Variants in CDIN1 observed in about 807,000 individuals in gnomAD.
CDIN1 encodes CDAN1-interacting nuclease 1.
Under a neutral mutation model 45.3 loss-of-function variants are expected in CDIN1, and 33 were observed. That is an observed-to-expected ratio of 0.73 (90% CI 0.55 to 0.97). The LOEUF (loss-of-function observed/expected upper bound fraction) is 0.97. CDIN1 is among the 50% of genes least tolerant of loss of function. CDIN1 has a pLI of 0.00. For synonymous variants in CDIN1, 118 were observed against 124.4 expected, an observed-to-expected ratio of 0.95 and a Z score of 0.34; for missense variants, 303 against 339.4, an observed-to-expected ratio of 0.89 and a Z score of 0.84.
chr15:36,626,731 C>A, intron 1 of CDIN1: 1 of 424,488 alleles, frequency 2.4e-6, no homozygotes, highest in South Asian at 1.8e-5. Flanking sequence ...AATATCCTTT[C>A]AGATTGACTG....
chr15:36,603,667 T>C (rs1395693540), intron 1 of CDIN1, among the ~76,000 whole-genome samples: 1 of 152,182 alleles, frequency 6.6e-6, no homozygotes, highest in Admixed American at 6.5e-5. Context: ...TATTATATCA[T>C]TGAAACTCAT....
At chr15:36,616,070 T>C (rs2038872412) in intron 1 of CDIN1, among the ~76,000 whole-genome samples, 1 of 152,182 alleles carries the variant, frequency 6.6e-6, no homozygotes, top group Non-Finnish European at 1.5e-5. Flanking sequence ...CGGCATGATG[T>C]AGCCTCTTCC....
chr15:36,745,755 C>A (rs752411091), intron 10 of CDIN1, among the ~76,000 whole-genome samples: 4 of 152,056 alleles, frequency 2.6e-5, no homozygotes, highest in Non-Finnish European at 5.9e-5. Flanking sequence ...CATCTGAAGT[C>A]AGGAGTTCAA....
intron 1 of CDIN1, among the ~76,000 whole-genome samples, chr15:36,630,119 A>G (rs1456260982): frequency 6.6e-6 from 1 of 152,210 alleles, no homozygotes; most frequent in African/African-American, 2.4e-5. Context: ...GGTGAATAAA[A>G]GAAGTTAATT....
intron 1 of CDIN1, among the ~76,000 whole-genome samples, chr15:36,608,262 G>A (rs2038474051): frequency 6.6e-6 from 1 of 152,192 alleles, no homozygotes; most frequent in Non-Finnish European, 1.5e-5. Context: ...AGTTTTCAAA[G>A]TGGCTGCATC....
Position 36,743,978 on chromosome 15 carries a change from CTTTT to C in CDIN1, c.716+34029_716+34032del, listed in dbSNP as rs34573450. The stretch of plus-strand genomic sequence containing the variant: ...TCTTCATTCTAAAGACATTTTTTGT[CTTTT>C]TTTTTTTTTTTCTTAAAAAGTCTCT... On this transcript the variant is annotated intron_variant, in intron 10 of 10. Coordinates refer to ENST00000566621, the MANE Select transcript of CDIN1 (RefSeq NM_001321759.2). Among the ~76,000 whole-genome samples, 27 of 139,742 alleles carry C rather than the reference CTTTT, an allele frequency of 1.9e-4. No homozygotes were observed. In the East Asian group the frequency reaches 5.0e-3, roughly 26 times the overall value. The allele number at this position is 139,742 out of a possible 152,430, so 91.7% of individuals were successfully genotyped here. A position where few individuals can be genotyped will look rare whatever the true frequency, so the allele number is the denominator to read the frequency against.
At chr15:36,740,062 C>A (rs1482901012) in intron 10 of CDIN1, among the ~76,000 whole-genome samples, 1 of 152,162 alleles carries the variant, frequency 6.6e-6, no homozygotes, top group Admixed American at 6.5e-5. Context: ...GCTCTCCAAA[C>A]AAAAGTTGGG....
chr15:36,613,332 T>A (rs949777205), intron 1 of CDIN1: 12 of 690,966 alleles, frequency 1.7e-5, no homozygotes, highest in African/African-American at 8.8e-5. Flanking sequence ...CACTGTGCTA[T>A]ATATTGATGA....
intron 1 of CDIN1, among the ~76,000 whole-genome samples, chr15:36,598,467 GT>G (rs1172833978): frequency 2.0e-5 from 3 of 151,240 alleles, no homozygotes; most frequent in Non-Finnish European, 3.0e-5. Context: ...ATGCATTCAT[GT>G]TTTTTTTTGA....
intron 5 of CDIN1, among the ~76,000 whole-genome samples, chr15:36,665,214 T>C (rs2041202224): frequency 6.6e-6 from 1 of 152,216 alleles, no homozygotes; most frequent in South Asian, 2.1e-4. Flanking sequence ...GGATAAGACA[T>C]ATAAGAGTAC....
At chr15:36,595,463 TAAAAG>T (rs2037775676) in intron 1 of CDIN1, among the ~76,000 whole-genome samples, 1 of 152,062 alleles carries the variant, frequency 6.6e-6, no homozygotes, top group Non-Finnish European at 1.5e-5. Flanking sequence ...TGATTTGTCA[TAAAAG>T]AAATTACACC....
chr15:36,631,724 A>G (rs1401827293), intron 1 of CDIN1, among the ~76,000 whole-genome samples: 1 of 152,248 alleles, frequency 6.6e-6, no homozygotes, highest in African/African-American at 2.4e-5. Context: ...ATTTGTGTAT[A>G]GACTTTTGTT....
chr15:36,712,218 A>AT (rs201960399), intron 10 of CDIN1, among the ~76,000 whole-genome samples: 270 of 138,038 alleles, frequency 2.0e-3, no homozygotes, highest in African/African-American at 6.8e-3. Flanking sequence ...TAAAGATTGG[A>AT]TTTTACAATA....
intron 1 of CDIN1, among the ~76,000 whole-genome samples, chr15:36,581,169 C>G (rs796289014): frequency 2.6e-5 from 4 of 152,288 alleles, no homozygotes; most frequent in African/African-American, 9.6e-5. Flanking sequence ...GCCAGTTCTG[C>G]ACATGAACAG....
intron 9 of CDIN1, 153 bp from the exon 10 acceptor site, chr15:36,709,703 T>C (rs970760529): frequency 3.8e-5 from 22 of 585,918 alleles, no homozygotes; most frequent in Non-Finnish European, 5.2e-5. Context: ...GTAATGAACA[T>C]ATACAGTGTG....
intron 1 of CDIN1, among the ~76,000 whole-genome samples, chr15:36,590,610 A>ATT (rs1461588902): frequency 6.6e-6 from 1 of 152,126 alleles, no homozygotes; most frequent in Non-Finnish European, 1.5e-5. Context: ...TACCTGGTAT[A>ATT]TCATCATTGC....
At chr15:36,808,171 T>C (rs1190469957) in intron 10 of CDIN1, among the ~76,000 whole-genome samples, 153 bp from the exon 11 acceptor site, 1 of 152,192 alleles carries the variant, frequency 6.6e-6, no homozygotes, top group Non-Finnish European at 1.5e-5. Context: ...CTCTTTGGTA[T>C]AAGTTTGGCT....
intron 10 of CDIN1, among the ~76,000 whole-genome samples, chr15:36,762,478 TTTTGTTTGTTTG>T (rs202230263): frequency 1.3e-5 from 2 of 152,020 alleles, no homozygotes; most frequent in African/African-American, 2.4e-5. Flanking sequence ...TGTTGTTTTG[TTTTGTTTGTTTG>T]TTTGTTTGTT....
chr15:36,736,489 G>A (rs535734303), intron 10 of CDIN1, among the ~76,000 whole-genome samples: 3 of 152,254 alleles, frequency 2.0e-5, no homozygotes, highest in African/African-American at 7.2e-5. Flanking sequence ...GTGTCTACGA[G>A]ATGCTGCTTT....
Sources: gnomAD v4.1 joint callset for allele counts (sites outside exome capture counted in the v4.1 genomes callset) on GRCh38, gnomAD v4.1.1 for gene constraint, MANE v1.5 for transcripts, NCBI Gene and HGNC (gene_info 2026-07-23, HGNC 2026-07-21) for gene names.